The following BLTP1 variants were observed in gnomAD, a reference collection of about 807,000 sequenced individuals.
The protein encoded by BLTP1 is bridge-like lipid transfer protein family member 1.
the BLTP1 span, among the ~76,000 whole-genome samples, chr4:122,236,090 T>C: frequency 6.6e-6 from 1 of 152,242 alleles, no homozygotes; most frequent in South Asian, 2.1e-4. Flanking sequence ...TTTAAAAATA[T>C]TAATTTACCT....
the BLTP1 span, chr4:122,314,236 T>A: frequency 2.0e-6 from 1 of 493,388 alleles, no homozygotes; most frequent in Non-Finnish European, 2.6e-6. Flanking sequence ...AATCATGATG[T>A]TAAAGCGCAG....
the BLTP1 span, among the ~76,000 whole-genome samples, chr4:122,239,267 T>A: frequency 6.6e-6 from 1 of 152,164 alleles, no homozygotes; most frequent in African/African-American, 2.4e-5. Flanking sequence ...GATAGAAGAT[T>A]ACATTCTGGG....
chr4:122,264,657 C>T, the BLTP1 span, among the ~76,000 whole-genome samples: 8 of 152,128 alleles, frequency 5.3e-5, no homozygotes, highest in Non-Finnish European at 1.2e-4. Context: ...CATATAGTAA[C>T]CTTTTTGTTA....
At chr4:122,158,156 A>G in the BLTP1 span, among the ~76,000 whole-genome samples, 1 of 152,252 alleles carries the variant, frequency 6.6e-6, no homozygotes, top group Non-Finnish European at 1.5e-5. Flanking sequence ...TATTTTAAAT[A>G]AAAATGGAAG....
At chr4:122,340,601 A>G in the BLTP1 span, 1 of 309,316 alleles carries the variant, frequency 3.2e-6, no homozygotes, top group Non-Finnish European at 4.7e-6. Context: ...GTTATAGGAA[A>G]TCATTTGTTT....
chr4:122,259,038 A>G, the BLTP1 span, among the ~76,000 whole-genome samples: 8 of 152,278 alleles, frequency 5.3e-5, no homozygotes, highest in South Asian at 1.0e-3. Flanking sequence ...TTGATTAAGG[A>G]CCACTATAAC....
chr4:122,230,980 T>C, the BLTP1 span, among the ~76,000 whole-genome samples: 1 of 152,146 alleles, frequency 6.6e-6, no homozygotes, highest in Non-Finnish European at 1.5e-5. Context: ...GCCACATGAT[T>C]AAACATTTTA....
chr4:122,252,214 G>T, the BLTP1 span, among the ~76,000 whole-genome samples: 2 of 152,186 alleles, frequency 1.3e-5, no homozygotes, highest in Non-Finnish European at 2.9e-5. Context: ...GTGTGACCTA[G>T]CACGTTCCTA....
At chr4:122,247,057 A>C in the BLTP1 span, 1 of 1,387,348 alleles carries the variant, frequency 7.2e-7, no homozygotes, top group Non-Finnish European at 9.8e-7. Flanking sequence ...GTATAATAGT[A>C]GAGTGTTTTG....
the BLTP1 span, chr4:122,331,337 G>T: frequency 6.2e-7 from 1 of 1,609,818 alleles, no homozygotes; most frequent in Non-Finnish European, 8.5e-7. Context: ...CATACGTCTC[G>T]TAAAAAAGCA....
chr4:122,286,551 A>G, the BLTP1 span: 2 of 1,613,962 alleles, frequency 1.2e-6, no homozygotes, highest in East Asian at 4.5e-5. Context: ...GTGCACAGAC[A>G]AGATTTACAT....
At chr4:122,196,608 A>G in the BLTP1 span, 3 of 1,563,658 alleles carry the variant, frequency 1.9e-6, no homozygotes, top group African/African-American at 2.7e-5. Flanking sequence ...ATAACATGTC[A>G]TTATTCTTTC....
At chr4:122,167,794 G>A in the BLTP1 span, 1 of 985,390 alleles carries the variant, frequency 1.0e-6, no homozygotes, top group Non-Finnish European at 1.2e-6. Context: ...TCTTCCCCAT[G>A]TGCAGACGCA....
the BLTP1 span, chr4:122,170,276 G>A: frequency 1.2e-6 from 1 of 835,488 alleles, no homozygotes. Context: ...TTGCACTCCA[G>A]CCTGGGCAAC....
the BLTP1 span, chr4:122,209,810 C>G: frequency 1.2e-6 from 2 of 1,612,816 alleles, no homozygotes; most frequent in Admixed American, 3.3e-5. Context: ...CTGTTTTACT[C>G]TTCAAAGGTC....
chr4:122,360,094 G>C, the BLTP1 span: 2 of 947,530 alleles, frequency 2.1e-6, no homozygotes, highest in Non-Finnish European at 2.5e-6. Context: ...AGATGCAGCA[G>C]AAGTCATATT....
chr4:122,301,503 A>G, the BLTP1 span: 1 of 580,596 alleles, frequency 1.7e-6, no homozygotes, highest in Non-Finnish European at 2.9e-6. Context: ...AGAAAATAAA[A>G]ATGATCTATA....
the BLTP1 span, chr4:122,185,470 T>G: frequency 1.0e-6 from 1 of 954,540 alleles, no homozygotes. Flanking sequence ...ATCCATCACT[T>G]TAAATGGATT....
the BLTP1 span, chr4:122,227,353 A>G: frequency 2.0e-6 from 2 of 985,530 alleles, no homozygotes; most frequent in African/African-American, 3.5e-5. Context: ...GGTTGCAAAA[A>G]GTAGATGGTA....
Sources: allele counts gnomAD v4.1 joint callset (sites outside exome capture counted in the v4.1 genomes callset), GRCh38; gene constraint gnomAD v4.1.1; transcripts MANE v1.5; gene names NCBI Gene and HGNC (gene_info 2026-07-23, HGNC 2026-07-21).